The following SYCP1 variants were observed in gnomAD, a reference collection of about 807,000 sequenced individuals.
SYCP1 encodes the protein synaptonemal complex protein 1.
Under a neutral mutation model 153.1 loss-of-function variants are expected in SYCP1, and 64 were observed. The observed-to-expected ratio is 0.42, with a 90% CI of 0.34 to 0.51. The LOEUF (loss-of-function observed/expected upper bound fraction) is 0.51, where lower values mean the gene tolerates loss of function less well. Among genes scored for constraint, SYCP1 ranks in the 20% least tolerant of loss-of-function variants. The pLI is 0.06. For missense variants in SYCP1, 997 were observed against 1,049.0 expected, an observed-to-expected ratio of 0.95 and a Z score of 0.68; for synonymous variants, 384 against 341.8, an observed-to-expected ratio of 1.12 and a Z score of -1.36.
chr1:114,981,756 G>T (rs917567886), intron 29 of SYCP1, among the ~76,000 whole-genome samples: 1 of 151,990 alleles, frequency 6.6e-6, no homozygotes, highest in African/African-American at 2.4e-5. Context: ...GATTATAGGT[G>T]TAAGCCACTG....
At position 114,895,525 on chromosome 1, in the gene SYCP1, C is replaced by G; in HGVS notation, c.1320+16C>G. The G allele has an allele frequency of 7.4e-7, 1 of 1,353,610 alleles. No homozygotes were observed. The highest frequency in any genetic ancestry group is 1.0e-6 in the Non-Finnish European group (1 of 988,408). 83.8% of individuals were successfully genotyped at this position (1,353,610 alleles called of 1,614,324 possible). A position where few individuals can be genotyped will look rare whatever the true frequency, so the allele number is the denominator to read the frequency against. ...AAAAGTCTTGGTAAGTATAGTCTTT[C>G]CTATTAATATATAGCAATTACTTTT... is the stretch of plus-strand genomic sequence containing the variant. On this transcript the variant is annotated intron_variant, in intron 16 of 31. Coordinates refer to ENST00000369522, the MANE Select transcript of SYCP1 (RefSeq NM_003176.4).
At chr1:114,947,364 G>T in intron 27 of SYCP1, 44 bp downstream of exon 27, 1 of 1,379,078 alleles carries the variant, frequency 7.3e-7, no homozygotes, top group Non-Finnish European at 1.0e-6. Context: ...CAAGGTTTAG[G>T]GGCAACTTTG....
Position 114,886,125 on chromosome 1 carries a change from A to G in SYCP1, c.1006A>G (p.Ser336Gly), listed in dbSNP as rs1233064361. The G allele has an allele frequency of 1.9e-6, 3 of 1,577,066 alleles. No homozygotes were observed. The highest frequency in any genetic ancestry group is 2.6e-6 in the Non-Finnish European group (3 of 1,165,674). The change falls in exon 14 of 32, where the codon AGT (serine) becomes GGT (glycine). Residue 336 changes from serine to glycine, a missense_variant and splice_region_variant. Ser to Gly is a moderately conservative substitution (Grantham distance 56). Transcript: ENST00000369522. ...DIKVSLQRSV[S>G]TQKALEEDLQ... is the part of the protein sequence containing the mutation. Reference sequence around the variant, plus strand: ...TTGTTTTATACTTTATTTCATTTAGAGTACTCAAAAGGCTTTAGAGGAAGA... The same window carrying G: ...TTGTTTTATACTTTATTTCATTTAGGGTACTCAAAAGGCTTTAGAGGAAGA...
intron 30 of SYCP1, among the ~76,000 whole-genome samples, chr1:114,990,927 G>A (rs1673872922): frequency 6.6e-6 from 1 of 151,888 alleles, no homozygotes; most frequent in South Asian, 2.1e-4. Flanking sequence ...ATTTCCCACA[G>A]GGTGGCACAC....
chr1:114,958,587 T>A (rs1459699491), intron 27 of SYCP1, among the ~76,000 whole-genome samples: 1 of 151,840 alleles, frequency 6.6e-6, no homozygotes, highest in Admixed American at 6.6e-5. Context: ...TCAATAAAAA[T>A]TATTTAGTAA....
At chr1:114,898,986 G>A (rs1192066678) in intron 16 of SYCP1, among the ~76,000 whole-genome samples, 1 of 152,170 alleles carries the variant, frequency 6.6e-6, no homozygotes, top group Non-Finnish European at 1.5e-5. Flanking sequence ...CCTGTATGGG[G>A]CTGTGCAGAC....
chr1:114,919,532 A>G lies in SYCP1; in HGVS notation c.1719-3917A>G, dbSNP rs558422049. 4.6e-5 allele frequency among the ~76,000 whole-genome samples: 7 copies of G among 152,038 alleles called. No individual in the cohort carries two copies. In the South Asian group the frequency reaches 1.5e-3, roughly 32 times the overall value. ...CTTGCCTCACAGAATGAGTTTAGCT[A>G]TATTCCCTCCTCCTTTATTTTTTGG... On this transcript the variant is annotated intron_variant, in intron 20 of 31. Transcript: ENST00000369522.
At chr1:114,985,586 T>C (rs1325139168) in intron 30 of SYCP1, among the ~76,000 whole-genome samples, 2 of 151,998 alleles carry the variant, frequency 1.3e-5, no homozygotes, top group Non-Finnish European at 2.9e-5. Context: ...TTCCCACTTA[T>C]AACTAGAAGA....
At position 114,965,937 on chromosome 1, in the gene SYCP1, C is replaced by T. The variant is rs540968812; in HGVS notation, c.2323-11620C>T. Among the ~76,000 whole-genome samples the T allele has an allele frequency of 1.1e-4, 16 of 152,160 alleles. No homozygotes were observed. The South Asian group carries it at 3.3e-3, about 32-fold the overall frequency. ...GGAATGGTACCGGCTCCTCTTTGTA[C>T]CTCTGGTAGAATTTGGCTGTGAACC... is the stretch of plus-strand genomic sequence containing the variant. On this transcript the variant is annotated intron_variant, in intron 27 of 31. Transcript: ENST00000369522.
chr1:114,877,827 A>G (rs760922545), intron 11 of SYCP1, among the ~76,000 whole-genome samples: 8 of 152,168 alleles, frequency 5.3e-5, no homozygotes, highest in Non-Finnish European at 1.0e-4. Context: ...CTTTTCCATT[A>G]TATATACCCC....
chr1:114,887,780 C>T, intron 15 of SYCP1, 87 bp downstream of exon 15: 1 of 858,018 alleles, frequency 1.2e-6, no homozygotes, highest in Non-Finnish European at 1.7e-6. Flanking sequence ...AATATAATTT[C>T]CCCTCTGTCA....
intron 15 of SYCP1, among the ~76,000 whole-genome samples, chr1:114,893,074 G>T (rs1666831422): frequency 6.6e-6 from 1 of 152,110 alleles, no homozygotes; most frequent in South Asian, 2.1e-4. Flanking sequence ...GAATTCCAGT[G>T]TTCTTTCTTA....
intron 6 of SYCP1, among the ~76,000 whole-genome samples, chr1:114,859,207 C>A (rs1664213540): frequency 2.6e-5 from 4 of 152,292 alleles, no homozygotes; most frequent in Admixed American, 6.5e-5. Context: ...TCTGCCTCAG[C>A]CTCCCAAGTA....
At chr1:114,920,484 A>C (rs1668795330) in intron 20 of SYCP1, among the ~76,000 whole-genome samples, 1 of 152,094 alleles carries the variant, frequency 6.6e-6, no homozygotes, top group Admixed American at 6.6e-5. Flanking sequence ...CTGTAAATAT[A>C]TATTAGGTTC....
At chr1:114,971,984 C>A (rs547463603) in intron 27 of SYCP1, among the ~76,000 whole-genome samples, 1 of 152,116 alleles carries the variant, frequency 6.6e-6, no homozygotes, top group East Asian at 1.9e-4. Flanking sequence ...ATAGTTTGAG[C>A]AGGGGTGGTA....
intron 8 of SYCP1, among the ~76,000 whole-genome samples, chr1:114,873,763 A>G (rs1331772243): frequency 6.6e-6 from 1 of 151,850 alleles, no homozygotes; most frequent in African/African-American, 2.4e-5. Flanking sequence ...AGGTTTTTTT[A>G]TTTTTATTTT....
intron 15 of SYCP1, among the ~76,000 whole-genome samples, chr1:114,889,973 T>G (rs1196452246): frequency 6.6e-6 from 1 of 152,212 alleles, no homozygotes; most frequent in Non-Finnish European, 1.5e-5. Flanking sequence ...GATATTTATT[T>G]GTAATAATTC....
At chr1:114,920,750 T>G (rs1668812681) in intron 20 of SYCP1, among the ~76,000 whole-genome samples, 1 of 152,182 alleles carries the variant, frequency 6.6e-6, no homozygotes, top group Non-Finnish European at 1.5e-5. Flanking sequence ...TCTCTTTTTA[T>G]AGTTTTTGTA....
chr1:114,867,870 T>C (rs1448576348), intron 8 of SYCP1, among the ~76,000 whole-genome samples: 1 of 152,134 alleles, frequency 6.6e-6, no homozygotes, highest in Non-Finnish European at 1.5e-5. Flanking sequence ...TTTCTCACCA[T>C]TAAGTATGAT....
Sources: allele counts gnomAD v4.1 joint callset (sites outside exome capture counted in the v4.1 genomes callset), GRCh38; gene constraint gnomAD v4.1.1; transcripts MANE v1.5; gene names NCBI Gene and HGNC (gene_info 2026-07-23, HGNC 2026-07-21).